The following PLD5 variants were observed in gnomAD, a reference collection of about 807,000 sequenced individuals.
PLD5 encodes phospholipase D family member 5, also known as inactive phospholipase D5.
A neutral mutation model predicts 61.1 loss-of-function variants in PLD5; 36 were observed. The ratio of observed to expected loss-of-function variants is 0.59; its 90% CI spans 0.45 to 0.78. The LOEUF is 0.78. Ranked by LOEUF, PLD5 falls within the 30% of genes least tolerant of loss-of-function variation. The probability of loss-of-function intolerance (pLI) is 0.00; values close to 1 mark genes in which losing one functional copy is unlikely to be tolerated. For synonymous variants in PLD5, 243 were observed against 242.8 expected (o/e 1.00, Z -0.01); for missense variants, 515 against 644.4 (o/e 0.80, Z 2.17).
At chr1:242,317,135 G>A (rs186770117) in intron 2 of PLD5, among the ~76,000 whole-genome samples, 91 of 151,928 alleles carry the variant, frequency 6.0e-4, no homozygotes, top group Non-Finnish European at 1.1e-3. Flanking sequence ...AGCCTCCCAA[G>A]TAGCTGTAAT....
intron 1 of PLD5, among the ~76,000 whole-genome samples, chr1:242,514,927 G>A (rs1328760310): frequency 1.3e-5 from 2 of 152,184 alleles, no homozygotes; most frequent in South Asian, 2.1e-4. Flanking sequence ...GAAGCATAGA[G>A]TCTGAGGAGG....
intron 6 of PLD5, among the ~76,000 whole-genome samples, chr1:242,120,962 T>C (rs971701639): frequency 7.1e-6 from 1 of 141,644 alleles, no homozygotes; most frequent in African/African-American, 3.2e-5. Context: ...CTAACTATGC[T>C]AAGTTATCAA....
intron 1 of PLD5, among the ~76,000 whole-genome samples, chr1:242,384,436 A>G (rs754998714): frequency 6.6e-5 from 10 of 152,242 alleles, no homozygotes; most frequent in Non-Finnish European, 1.5e-4. Flanking sequence ...AATGGTATTC[A>G]TAGTCACATC....
intron 4 of PLD5, among the ~76,000 whole-genome samples, chr1:242,239,377 C>G (rs755261980): frequency 4.6e-5 from 7 of 152,160 alleles, no homozygotes; most frequent in Non-Finnish European, 1.0e-4. Flanking sequence ...GTACTTGGTT[C>G]ACTTTTTGAG....
intron 5 of PLD5, among the ~76,000 whole-genome samples, chr1:242,177,335 T>C (rs765514027): frequency 9.2e-5 from 14 of 152,072 alleles, no homozygotes; most frequent in Non-Finnish European, 1.6e-4. Context: ...AAACACCACA[T>C]GTTCTCACTC....
At chr1:242,419,124 T>C (rs1357999383) in intron 1 of PLD5, among the ~76,000 whole-genome samples, 2 of 152,212 alleles carry the variant, frequency 1.3e-5, no homozygotes, top group African/African-American at 4.8e-5. Context: ...TGATGATCTG[T>C]AACCAAAGAG....
At chr1:242,191,476 C>T (rs2148930004) in intron 5 of PLD5, among the ~76,000 whole-genome samples, 1 of 152,142 alleles carries the variant, frequency 6.6e-6, no homozygotes, top group East Asian at 1.9e-4. Flanking sequence ...ATCCCAGCTA[C>T]TCGGGAGGCT....
chr1:242,325,538 G>T (rs906148653), intron 2 of PLD5, among the ~76,000 whole-genome samples: 1 of 151,888 alleles, frequency 6.6e-6, no homozygotes, highest in Non-Finnish European at 1.5e-5. Flanking sequence ...TTGCTCTGTC[G>T]CCAGGCTGGA....
At chr1:242,505,855 A>C (rs1167602669) in intron 1 of PLD5, among the ~76,000 whole-genome samples, 1 of 152,216 alleles carries the variant, frequency 6.6e-6, no homozygotes, top group Non-Finnish European at 1.5e-5. Flanking sequence ...TGCCACCTGC[A>C]CCTCTAAGCA....
At chr1:242,225,517 CA>C in intron 4 of PLD5, among the ~76,000 whole-genome samples, 1 of 150,174 alleles carries the variant, frequency 6.7e-6, no homozygotes, top group African/African-American at 2.5e-5. Flanking sequence ...TCATGTGGAA[CA>C]GTGGTTTCTC....
intron 5 of PLD5, among the ~76,000 whole-genome samples, chr1:242,135,665 A>ATAGTT (rs1663661530): frequency 6.6e-6 from 1 of 151,952 alleles, no homozygotes; most frequent in African/African-American, 2.4e-5. Context: ...TGGCATGAAA[A>ATAGTT]TAGTTAACAA....
chr1:242,331,945 G>A (rs1032108214), intron 2 of PLD5, among the ~76,000 whole-genome samples: 2 of 152,088 alleles, frequency 1.3e-5, no homozygotes, highest in African/African-American at 4.8e-5. Flanking sequence ...GTGCAGGTTT[G>A]TTACATAGGT....
At chr1:242,457,986 T>C (rs1294259731) in intron 1 of PLD5, among the ~76,000 whole-genome samples, 1 of 152,186 alleles carries the variant, frequency 6.6e-6, no homozygotes, top group African/African-American at 2.4e-5. Context: ...CCTTTCAATA[T>C]CACTTTAGGT....
chr1:242,289,157 A>G (rs1298426356), intron 2 of PLD5, among the ~76,000 whole-genome samples: 1 of 152,188 alleles, frequency 6.6e-6, no homozygotes, highest in African/African-American at 2.4e-5. Flanking sequence ...ATAAACTGCA[A>G]TTGGCAATAT....
chr1:242,493,924 G>A (rs1037988535), intron 1 of PLD5, among the ~76,000 whole-genome samples: 19 of 152,226 alleles, frequency 1.2e-4, no homozygotes, highest in African/African-American at 4.6e-4. Flanking sequence ...TGTCGAAAAG[G>A]AATTAAGCAA....
At chr1:242,480,627 G>A (rs78697602) in intron 1 of PLD5, among the ~76,000 whole-genome samples, 6,583 of 152,200 alleles carry the variant, frequency 0.043, 229 homozygotes, top group Middle Eastern at 0.061. Context: ...ATATCTAAAT[G>A]TAGAAAGATC....
At chr1:242,276,723 A>G (rs1391553415) in intron 3 of PLD5, among the ~76,000 whole-genome samples, 3 of 151,832 alleles carry the variant, frequency 2.0e-5, no homozygotes. Context: ...ACCTTGATTG[A>G]CAGTACTCAT....
intron 1 of PLD5, among the ~76,000 whole-genome samples, chr1:242,466,122 C>T (rs568215727): frequency 1.9e-4 from 29 of 152,268 alleles, no homozygotes; most frequent in African/African-American, 6.7e-4. Context: ...ATTCTGATTC[C>T]CCCATCCTAC....
chr1:242,100,790 A>G lies in PLD5; in HGVS notation c.1240-8T>C, dbSNP rs764165596. 1.3e-5 allele frequency: 14 copies of G among 1,099,022 alleles called. No homozygotes were observed. The highest frequency in any genetic ancestry group is 1.7e-5 in the South Asian group (1 of 59,348). The allele number at this position is 1,099,022 out of a possible 1,614,324, so 68.1% of individuals were successfully genotyped here. A position where few individuals can be genotyped will look rare whatever the true frequency, so the allele number is the denominator to read the frequency against. ...TTCCAGATCAAAAAATTTCTGTAAGAAAAAAAAAAAGGGGGCAGGTAAATA... is the reference window on the plus strand; with the variant it reads ...TTCCAGATCAAAAAATTTCTGTAAGGAAAAAAAAAAGGGGGCAGGTAAATA... On this transcript the variant is annotated splice_region_variant and splice_polypyrimidine_tract_variant and intron_variant, in intron 8 of 9. Transcript: ENST00000536534.
Sources: allele counts gnomAD v4.1 joint callset (sites outside exome capture counted in the v4.1 genomes callset), GRCh38; gene constraint gnomAD v4.1.1; transcripts MANE v1.5; gene names NCBI Gene and HGNC (gene_info 2026-07-23, HGNC 2026-07-21).